Variants in DTNA observed in about 807,000 individuals in gnomAD.
DTNA encodes dystrobrevin alpha.
Under a neutral mutation model 100.7 loss-of-function variants are expected in DTNA, and 43 were observed. The observed-to-expected ratio is 0.43, with a 90% CI of 0.33 to 0.55. The LOEUF is 0.55. Among genes scored for constraint, DTNA ranks in the 20% least tolerant of loss-of-function variants. DTNA has a pLI of 0.04. For missense variants in DTNA, 798 were observed against 953.9 expected (o/e 0.84, Z 2.15); for synonymous variants, 349 against 347.9 (o/e 1.00, Z -0.04).
At chr18:34,513,133 C>A (rs764891920) in intron 1 of DTNA, among the ~76,000 whole-genome samples, 2 of 152,070 alleles carry the variant, frequency 1.3e-5, no homozygotes, top group Non-Finnish European at 2.9e-5. Context: ...TTTCCCAAAG[C>A]CTTTTGCCTC....
intron 5 of DTNA, among the ~76,000 whole-genome samples, chr18:34,810,219 TC>T (rs2095455320): frequency 6.6e-6 from 1 of 152,128 alleles, no homozygotes; most frequent in African/African-American, 2.4e-5. Flanking sequence ...TTATTGAGTT[TC>T]TATTACTGAA....
At chr18:34,865,792 G>A (rs1183381424) in intron 17 of DTNA, among the ~76,000 whole-genome samples, 2 of 152,202 alleles carry the variant, frequency 1.3e-5, no homozygotes, top group Admixed American at 1.3e-4. Flanking sequence ...CTTTCCCTAT[G>A]GGATAGAAGT....
chr18:34,542,946 G>A (rs2044390549), intron 1 of DTNA, among the ~76,000 whole-genome samples: 1 of 151,788 alleles, frequency 6.6e-6, no homozygotes, highest in African/African-American at 2.4e-5. Flanking sequence ...CTAATGAAAA[G>A]TCCAGCATGG....
chr18:34,687,815 A>G (rs192711035), intron 1 of DTNA, among the ~76,000 whole-genome samples: 256 of 152,216 alleles, frequency 1.7e-3, no homozygotes, highest in African/African-American at 6.1e-3. Flanking sequence ...ATGAATCTGG[A>G]TGCTCCTGTA....
At position 34,887,868 on chromosome 18, in the gene DTNA, T is replaced by A. The variant is rs1400422853; in HGVS notation, c.*134T>A. The A allele has an allele frequency of 1.0e-6, 1 of 986,590 alleles. No individual in the cohort carries two copies. Among genetic ancestry groups the A allele is most frequent in the East Asian group, 1.1e-4 (1 of 8,826 alleles). The allele number at this position is 986,590 out of a possible 1,614,324, so 61.1% of individuals were successfully genotyped here. A position where few individuals can be genotyped will look rare whatever the true frequency, so the allele number is the denominator to read the frequency against. ...GGAAGACAGCAGCCTGGCAGCAGCC[T>A]CACCGAAGAGAGGAACCACCACACC... On this transcript the variant is annotated 3_prime_UTR_variant, in exon 23 of 23. Coordinates refer to ENST00000444659, the MANE Select transcript of DTNA (RefSeq NM_001386795.1).
At chr18:34,771,847 G>A (rs2093789361) in intron 3 of DTNA, among the ~76,000 whole-genome samples, 1 of 151,998 alleles carries the variant, frequency 6.6e-6, no homozygotes. Context: ...ATATAAAATG[G>A]CATCATCTCA....
Position 34,794,251 on chromosome 18 carries a change from G to A in DTNA, c.362+1G>A, listed in dbSNP as rs2094872099. On this transcript the variant is annotated splice_donor_variant, in intron 4 of 22. Transcript: ENST00000444659. LOFTEE classifies it high-confidence loss of function. ...ACTTCCTGCTTGCAGCGTTTGATCC[G>A]TAAGCACCCTCTGAATGTCTGTTCC... is the stretch of plus-strand genomic sequence containing the variant. The A allele has an allele frequency of 6.2e-7, 1 of 1,613,884 alleles. No individual in the cohort carries two copies. Among genetic ancestry groups the A allele is most frequent in the African/African-American group, 1.3e-5 (1 of 75,010 alleles).
intron 5 of DTNA, among the ~76,000 whole-genome samples, chr18:34,806,680 T>G (rs1602378984): frequency 6.6e-6 from 1 of 152,178 alleles, no homozygotes; most frequent in Non-Finnish European, 1.5e-5. Flanking sequence ...AGCAAGACTC[T>G]TGGCACATTT....
At chr18:34,570,942 G>A (rs571570554) in intron 1 of DTNA, among the ~76,000 whole-genome samples, 6 of 152,294 alleles carry the variant, frequency 3.9e-5, no homozygotes, top group African/African-American at 1.4e-4. Flanking sequence ...GAGGTACTTT[G>A]TAAGCACCTC....
chr18:34,732,658 C>A (rs1273549351), intron 1 of DTNA, among the ~76,000 whole-genome samples: 1 of 152,198 alleles, frequency 6.6e-6, no homozygotes, highest in Non-Finnish European at 1.5e-5. Context: ...AAAAGACATT[C>A]TTCTATAATC....
chr18:34,812,222 C>A, intron 6 of DTNA, 109 bp downstream of exon 6: 1 of 1,475,112 alleles, frequency 6.8e-7, no homozygotes, highest in Non-Finnish European at 9.3e-7. Flanking sequence ...TGTGTGATAG[C>A]AACCTGTATT....
chr18:34,753,445 G>T (rs1312032757), intron 1 of DTNA, among the ~76,000 whole-genome samples: 3 of 135,470 alleles, frequency 2.2e-5, no homozygotes, highest in African/African-American at 9.9e-5. Context: ...TGCAGTGGCG[G>T]GATCTCGGCT....
intron 2 of DTNA, among the ~76,000 whole-genome samples, chr18:34,765,661 G>T (rs1483231243): frequency 2.0e-5 from 3 of 152,150 alleles, no homozygotes; most frequent in African/African-American, 7.2e-5. Context: ...GTCACAGCTT[G>T]AGCAGACTGT....
chr18:34,861,207 C>T (rs2096620341), intron 16 of DTNA, among the ~76,000 whole-genome samples: 4 of 152,054 alleles, frequency 2.6e-5, no homozygotes, highest in Admixed American at 2.0e-4. Context: ...TTTTAACGGC[C>T]GGGCGCGGTG....
chr18:34,623,498 G>A (rs1351932167), intron 1 of DTNA, among the ~76,000 whole-genome samples: 4 of 152,130 alleles, frequency 2.6e-5, no homozygotes, highest in African/African-American at 7.2e-5. Context: ...TCTCTATTTA[G>A]TTTTCACCAA....
intron 1 of DTNA, among the ~76,000 whole-genome samples, chr18:34,670,998 C>T (rs575445892): frequency 2.0e-4 from 30 of 152,328 alleles, no homozygotes; most frequent in African/African-American, 3.6e-4. Flanking sequence ...GCCTTTTGTT[C>T]GGCTATGCCC....
At chr18:34,865,981 G>C in intron 17 of DTNA, 1 of 955,868 alleles carries the variant, frequency 1.0e-6, no homozygotes, top group Non-Finnish European at 1.7e-6. Context: ...TAGTCACTGA[G>C]GTGGCAGAGG....
At chr18:34,734,092 T>C (rs1334582037) in intron 1 of DTNA, among the ~76,000 whole-genome samples, 2 of 152,152 alleles carry the variant, frequency 1.3e-5, no homozygotes, top group Admixed American at 1.3e-4. Flanking sequence ...TCCTCATGGG[T>C]CACACTCTCA....
intron 1 of DTNA, among the ~76,000 whole-genome samples, chr18:34,551,482 A>AT (rs200651196): frequency 1.7e-4 from 26 of 151,398 alleles, no homozygotes; most frequent in African/African-American, 3.1e-4. Flanking sequence ...TTTATTGGAT[A>AT]TTTTTTTTTG....
Sources: gnomAD v4.1 joint callset for allele counts (sites outside exome capture counted in the v4.1 genomes callset) on GRCh38, gnomAD v4.1.1 for gene constraint, MANE v1.5 for transcripts, NCBI Gene and HGNC (gene_info 2026-07-23, HGNC 2026-07-21) for gene names.